Variants in SYNE2 observed in about 807,000 individuals in gnomAD.
The protein encoded by SYNE2 is nesprin-2.
SYNE2 carries 431 observed loss-of-function variants against 856.3 expected under a neutral mutation model. That is an observed-to-expected ratio of 0.50 (90% CI 0.47 to 0.55). The LOEUF is 0.55. SYNE2 is among the 20% of genes least tolerant of loss of function. The probability of loss-of-function intolerance (pLI) is 0.00; values close to 1 mark genes in which losing one functional copy is unlikely to be tolerated. For synonymous variants in SYNE2, 2,923 were observed against 2,872.3 expected (o/e 1.02, Z -0.56); for missense variants, 8,129 against 8,023.2 (o/e 1.01, Z -0.50).
chr14:63,792,416 G>A (rs1478074115), intron 1 of SYNE2, among the ~76,000 whole-genome samples: 5 of 152,036 alleles, frequency 3.3e-5, no homozygotes, highest in Non-Finnish European at 5.9e-5. Flanking sequence ...TTAGGCTGGC[G>A]TGGTGATGTG....
intron 2 of SYNE2, among the ~76,000 whole-genome samples, chr14:63,911,527 A>T (rs1033390759): frequency 6.6e-5 from 10 of 152,220 alleles, no homozygotes; most frequent in Non-Finnish European, 1.2e-4. Flanking sequence ...AAGTAGATTT[A>T]AAAAAAATCT....
At position 64,053,096 on chromosome 14, in the gene SYNE2, A is replaced by T; in HGVS notation, c.9183A>T (p.Gln3061His). 1.2e-6 allele frequency: 2 copies of T among 1,614,076 alleles called. No individual in the cohort carries two copies. Among genetic ancestry groups the T allele is most frequent in the South Asian group, 2.2e-5 (2 of 90,986 alleles). The stretch of plus-strand genomic sequence containing the variant: ...GTAAAATGAGAGCTATTGATTTGCA[A>T]ATTAAGAAAATGACTGAAGTAGTAC... ...LLSKMRAIDL[Q>H]IKKMTEVVLK... Residue 3061 changes from glutamine to histidine, a missense_variant, in exon 48 of 116, where the codon CAA becomes CAT. Physicochemically the swap from Gln to His is conservative, Grantham distance 24 (BLOSUM62 0). Around this residue, in one of 3 missense-constraint regions of SYNE2, gnomAD observed 5,410 missense variants for 5,284.8 expected, o/e 1.02. Coordinates refer to ENST00000555002, the MANE Select transcript of SYNE2 (RefSeq NM_182914.3).
chr14:63,799,942 G>A (rs1320944274), intron 1 of SYNE2, among the ~76,000 whole-genome samples: 1 of 152,076 alleles, frequency 6.6e-6, no homozygotes, highest in Admixed American at 6.6e-5. Context: ...TTCCTTCAAC[G>A]GGACATCAGG....
In SYNE2 at chr14:64,085,120, TGGAG is replaced by T; in HGVS notation, c.11485-2550_11485-2547del. The stretch of plus-strand genomic sequence containing the variant: ...CAGGGTCTTGCTCTGTCACCCAGGC[TGGAG>T]TGCAGTGGCACAATGTCGGCTCACT... On this transcript the variant is annotated intron_variant, in intron 57 of 115. Transcript: ENST00000555002. 9.2e-6 allele frequency: 6 copies of T among 653,256 alleles called. 1 individual carries two copies. The South Asian group carries it at 1.0e-4, about 11-fold the overall frequency. 40.5% of individuals were successfully genotyped at this position (653,256 alleles called of 1,614,324 possible).
At chr14:63,868,730 G>A (rs1021874780) in intron 1 of SYNE2, among the ~76,000 whole-genome samples, 4 of 151,716 alleles carry the variant, frequency 2.6e-5, no homozygotes, top group East Asian at 1.9e-4. Flanking sequence ...GCATGTGTGC[G>A]TGTGTGTGTA....
chr14:63,902,621 G>T (rs936004149), intron 1 of SYNE2, among the ~76,000 whole-genome samples: 7 of 151,882 alleles, frequency 4.6e-5, no homozygotes, highest in African/African-American at 1.7e-4. Flanking sequence ...GGTTGCTAGA[G>T]ACCCGGGAGA....
intron 6 of SYNE2, among the ~76,000 whole-genome samples, chr14:63,943,109 A>G (rs1471283310): frequency 6.6e-6 from 1 of 152,102 alleles, no homozygotes; most frequent in Non-Finnish European, 1.5e-5. Context: ...CTAACCACTA[A>G]AGTTTGTAAA....
chr14:64,081,701 C>T, intron 57 of SYNE2, 121 bp downstream of exon 57: 2 of 1,150,804 alleles, frequency 1.7e-6, no homozygotes, highest in Non-Finnish European at 2.6e-6. Context: ...CTAACCATGT[C>T]AGTGGCAGAA....
At chr14:64,197,331 T>G (rs1418834556) in intron 99 of SYNE2, among the ~76,000 whole-genome samples, 1 of 152,202 alleles carries the variant, frequency 6.6e-6, no homozygotes, top group Admixed American at 6.5e-5. Context: ...GGAGTGATTA[T>G]GCCGTGTGGA....
rs372608712 is a variant in SYNE2, at chr14:63,948,716, A to ATG, written c.409-1103_409-1102dup. On this transcript the variant is annotated intron_variant, in intron 6 of 115. Coordinates refer to ENST00000555002, the MANE Select transcript of SYNE2 (RefSeq NM_182914.3). ...TATATATATATATATGTATATATAT[A>ATG]TGTGTGTATATATATGTGTATAGAT... is the stretch of plus-strand genomic sequence containing the variant. Among the ~76,000 whole-genome samples the ATG allele has an allele frequency of 4.7e-4, 27 of 56,910 alleles. 1 individual carries two copies. Among genetic ancestry groups the ATG allele is most frequent in the African/African-American group, 1.1e-3 (16 of 15,142 alleles). The allele number at this position is 56,910 out of a possible 152,430, so 37.3% of individuals were successfully genotyped here.
chr14:64,070,629 T>C lies in SYNE2; in HGVS notation c.10432-16T>C. 1 of 1,606,556 alleles carries C rather than the reference T, an allele frequency of 6.2e-7. No homozygotes were observed. The highest frequency in any genetic ancestry group is 8.5e-7 in the Non-Finnish European group (1 of 1,174,832). On this transcript the variant is annotated splice_polypyrimidine_tract_variant and intron_variant, in intron 51 of 115. Coordinates refer to ENST00000555002, the MANE Select transcript of SYNE2 (RefSeq NM_182914.3). ...TATATTTTACTTATTTTAGTTCTTT[T>C]TGTTTTTTGAATTAGATTGAACGAG...
chr14:64,065,762 G>A, intron 51 of SYNE2, 112 bp downstream of exon 51: 1 of 1,165,476 alleles, frequency 8.6e-7, no homozygotes, highest in Non-Finnish European at 1.3e-6. Context: ...TACCATTTGT[G>A]CACATCACTT....
intron 8 of SYNE2, among the ~76,000 whole-genome samples, chr14:63,958,258 C>T (rs922716030): frequency 1.3e-5 from 2 of 151,896 alleles, no homozygotes; most frequent in African/African-American, 4.8e-5. Context: ...TAGTGTTTAC[C>T]TAATGACTTT....
chr14:63,771,379 C>G (rs1050862109), intron 1 of SYNE2, among the ~76,000 whole-genome samples: 1 of 152,028 alleles, frequency 6.6e-6, no homozygotes, highest in African/African-American at 2.4e-5. Flanking sequence ...CCCTTATACA[C>G]TCTTGATGTG....
At position 63,786,325 on chromosome 14, in the gene SYNE2, T is replaced by C. The variant is rs185962271; in HGVS notation, c.-305+24339T>C. Among the ~76,000 whole-genome samples, 627 of 152,276 alleles carry C rather than the reference T, an allele frequency of 4.1e-3. 9 individuals are homozygous for C. The highest frequency in any genetic ancestry group is 0.014 in the African/African-American group (589 of 41,572). On this transcript the variant is annotated intron_variant, in intron 1 of 23. Transcript: ENST00000674003. ...CAGGAGGCTGAGGCAAGAGGGTCAC[T>C]TGAGCCCAAGAGGTCTAGGCTGCAG...
At chr14:63,956,566 A>G (rs549784657) in intron 8 of SYNE2, 67 of 409,478 alleles carry the variant, frequency 1.6e-4, no homozygotes, top group South Asian at 1.2e-3. Flanking sequence ...TTATTAAGAG[A>G]TAATTCACAT....
At chr14:64,057,378 T>C (rs570434688) in intron 49 of SYNE2, among the ~76,000 whole-genome samples, 21 of 152,332 alleles carry the variant, frequency 1.4e-4, no homozygotes, top group African/African-American at 5.1e-4. Flanking sequence ...GTGATGTTTG[T>C]CTTTCTGTGC....
intron 2 of SYNE2, among the ~76,000 whole-genome samples, chr14:63,934,698 G>T (rs1182596848): frequency 6.6e-6 from 1 of 151,954 alleles, no homozygotes; most frequent in Non-Finnish European, 1.5e-5. Flanking sequence ...CCTCCTTCCT[G>T]CCATAACTCC....
intron 10 of SYNE2, among the ~76,000 whole-genome samples, chr14:63,966,664 C>T (rs1255889): frequency 0.52 from 78,365 of 151,206 alleles, 21,311 homozygotes; most frequent in African/African-American, 0.7. Flanking sequence ...GCTCAAGCCA[C>T]TCTCCCACTT....
Sources: gnomAD v4.1 joint callset for allele counts (sites outside exome capture counted in the v4.1 genomes callset) on GRCh38, gnomAD v4.1.1 for gene constraint, gnomAD v4.1.1 regional missense constraint, MANE v1.5 for transcripts, NCBI Gene and HGNC (gene_info 2026-07-23, HGNC 2026-07-21) for gene names.